ITIH5: variants seen among roughly 807,000 people sequenced by gnomAD.
ITIH5 encodes inter-alpha-trypsin inhibitor heavy chain H5.
Under a neutral mutation model 77.5 loss-of-function variants are expected in ITIH5, and 65 were observed. The observed-to-expected ratio is 0.84, with a 90% confidence interval of 0.69 to 1.03. ITIH5 has a LOEUF of 1.03. Among genes scored for constraint, ITIH5 ranks in the 50% least tolerant of loss-of-function variants. ITIH5 has a pLI of 0.00. For missense variants in ITIH5, 1,208 were observed against 1,213.1 expected, an observed-to-expected ratio of 1.00 and a Z score of 0.06; for synonymous variants, 525 against 494.3, an observed-to-expected ratio of 1.06 and a Z score of -0.82.
intron 2 of ITIH5, among the ~76,000 whole-genome samples, chr10:7,642,942 C>T (rs1833913107): frequency 6.6e-6 from 1 of 152,164 alleles, no homozygotes. Context: ...TCCTAGAATA[C>T]ACATGTTGAA....
intron 2 of ITIH5, among the ~76,000 whole-genome samples, chr10:7,649,069 C>T (rs1834050153): frequency 6.6e-6 from 1 of 152,158 alleles, no homozygotes; most frequent in Non-Finnish European, 1.5e-5. Context: ...CTATCCCCCT[C>T]CCAGTTACCA....
At chr10:7,640,445 C>G (rs1833866239) in intron 4 of ITIH5, among the ~76,000 whole-genome samples, 1 of 149,868 alleles carries the variant, frequency 6.7e-6, no homozygotes, top group South Asian at 2.1e-4. Flanking sequence ...CCACTGCACT[C>G]CAGCCTGGGC....
At chr10:7,616,235 A>G (rs936132521) in intron 6 of ITIH5, 137 bp from the exon 7 acceptor site, 4 of 614,434 alleles carry the variant, frequency 6.5e-6, no homozygotes, top group Non-Finnish European at 1.2e-5. Context: ...CCCGGAGTAA[A>G]ATTATCTAAG....
In ITIH5 at chr10:7,565,408, CAT is replaced by C. The variant is rs200210405; in HGVS notation, c.2527+620_2527+621del. 2.3e-3 allele frequency among the ~76,000 whole-genome samples: 346 copies of C among 147,266 alleles called. 1 individual carries two copies. Among genetic ancestry groups the C allele is most frequent in the African/African-American group, 8.5e-3 (326 of 38,486 alleles). ...TATACACACATATCATGCACACATA[CAT>C]AGACAGTATACATACATATATACAC... On this transcript the variant is annotated intron_variant, in intron 13 of 13. Transcript: ENST00000397146.
At chr10:7,579,624 G>C in intron 9 of ITIH5, 131 bp downstream of exon 9, 1 of 867,292 alleles carries the variant, frequency 1.2e-6, no homozygotes, top group East Asian at 2.5e-5. Context: ...ACCTCCCATT[G>C]CAATGAGCTA....
chr10:7,572,168 CT>C (rs1564235869), intron 11 of ITIH5: 15 of 1,187,692 alleles, frequency 1.3e-5, no homozygotes, highest in Non-Finnish European at 1.6e-5. Flanking sequence ...TGTGCGGACT[CT>C]ATATCCACAG....
chr10:7,591,621 C>T (rs1832794986), intron 7 of ITIH5, among the ~76,000 whole-genome samples: 1 of 152,152 alleles, frequency 6.6e-6, no homozygotes, highest in Non-Finnish European at 1.5e-5. Flanking sequence ...GAGCTCCCTT[C>T]CTCTTCCTCT....
chr10:7,565,958 G>T, intron 13 of ITIH5, 72 bp downstream of exon 13: 1 of 1,536,620 alleles, frequency 6.5e-7, no homozygotes, highest in Non-Finnish European at 8.8e-7. Context: ...AAAGGTGTTG[G>T]CAATATCAGC....
chr10:7,642,143 T>A (rs1234882599), intron 2 of ITIH5, 53 bp from the exon 3 acceptor site: 5 of 1,424,194 alleles, frequency 3.5e-6, no homozygotes. Context: ...AGCATTTTGG[T>A]GGTAGTGGAA....
At chr10:7,653,381 A>G (rs1333177076) in intron 2 of ITIH5, among the ~76,000 whole-genome samples, 2 of 151,840 alleles carry the variant, frequency 1.3e-5, no homozygotes, top group African/African-American at 4.8e-5. Context: ...AAATTTTTGT[A>G]TTTTTTAGTA....
chr10:7,617,392 GT>G (rs1275202352), intron 5 of ITIH5, 110 bp from the exon 6 acceptor site: 11 of 667,790 alleles, frequency 1.6e-5, no homozygotes, highest in Non-Finnish European at 2.6e-5. Context: ...TTACAGGCTT[GT>G]ATTTCACAGG....
At chr10:7,590,170 T>C (rs896764168) in intron 7 of ITIH5, among the ~76,000 whole-genome samples, 1 of 152,010 alleles carries the variant, frequency 6.6e-6, no homozygotes, top group African/African-American at 2.4e-5. Flanking sequence ...TCTTTTTAAA[T>C]CTCCCTCTCC....
intron 8 of ITIH5, among the ~76,000 whole-genome samples, chr10:7,582,255 T>C (rs78064899): frequency 0.02 from 3,001 of 152,190 alleles, 105 homozygotes; most frequent in African/African-American, 0.069. Flanking sequence ...TAAATAAAGT[T>C]GGGGCCTGTG....
chr10:7,616,248 C>T, intron 6 of ITIH5, 150 bp from the exon 7 acceptor site: 1 of 599,848 alleles, frequency 1.7e-6, no homozygotes, highest in African/African-American at 1.9e-5. Context: ...TATCTAAGGC[C>T]CTGATCCCTC....
intron 7 of ITIH5, among the ~76,000 whole-genome samples, chr10:7,586,294 G>A (rs1053244412): frequency 1.3e-5 from 2 of 152,242 alleles, no homozygotes; most frequent in East Asian, 1.9e-4. Context: ...GCTGAATGCC[G>A]CATCCCGCCA....
intron 5 of ITIH5, among the ~76,000 whole-genome samples, chr10:7,627,368 A>C (rs1483949810): frequency 6.6e-6 from 1 of 152,150 alleles, no homozygotes; most frequent in Non-Finnish European, 1.5e-5. Flanking sequence ...GGTTCAATTC[A>C]AGCCCTTCTT....
At chr10:7,574,229 C>G (rs1340340525) in intron 10 of ITIH5, among the ~76,000 whole-genome samples, 4 of 152,108 alleles carry the variant, frequency 2.6e-5, no homozygotes, top group Non-Finnish European at 5.9e-5. Context: ...ATTGTTAGTA[C>G]TAGGTAAAAT....
In ITIH5 at chr10:7,597,044, C is replaced by CAAAAAAAAAAAAAAAAAAAAAAAA. The variant is rs71383924; in HGVS notation, c.940-10976_940-10975insTTTTTTTTTTTTTTTTTTTTTTTT. ...CTGGGTGCAGAGTGAGTCTCCAACT[C>CAAAAAAAAAAAAAAAAAAAAAAAA]AAAAAAAAAAAAAAAAAAAATTCCA... On this transcript the variant is annotated intron_variant, in intron 7 of 13. Coordinates refer to ENST00000397146, the MANE Select transcript of ITIH5 (RefSeq NM_030569.7). 3.0e-4 allele frequency among the ~76,000 whole-genome samples: 11 copies of CAAAAAAAAAAAAAAAAAAAAAAAA among 36,910 alleles called. 1 individual carries two copies. Among genetic ancestry groups the CAAAAAAAAAAAAAAAAAAAAAAAA allele is most frequent in the Admixed American group, 4.7e-4 (1 of 2,130 alleles). 24.2% of individuals were successfully genotyped at this position (36,910 alleles called of 152,430 possible). A position where few individuals can be genotyped will look rare whatever the true frequency, so the allele number is the denominator to read the frequency against.
chr10:7,593,678 AGCCACCCAGCCCCACTCATCCCTGCAGC>A (rs1564250072), intron 7 of ITIH5, among the ~76,000 whole-genome samples: 2 of 18,960 alleles, frequency 1.1e-4, no homozygotes, highest in Non-Finnish European at 1.4e-4. Context: ...TGCAGCCTGC[AGCCACCCAGCCCCACTCATCCCTGCAGC>A]CTGCAGCCAC....
Sources: allele counts gnomAD v4.1 joint callset (sites outside exome capture counted in the v4.1 genomes callset), GRCh38; gene constraint gnomAD v4.1.1; transcripts MANE v1.5; gene names NCBI Gene and HGNC (gene_info 2026-07-23, HGNC 2026-07-21).